The following CNOT7 variants were observed in gnomAD, a reference collection of about 807,000 sequenced individuals.
CNOT7 encodes the protein CCR4-NOT transcription complex subunit 7, also known as BTG1-binding factor 1.
A neutral mutation model predicts 37.1 loss-of-function variants in CNOT7; 4 were observed. The observed-to-expected ratio is 0.11, with a 90% CI of 0.05 to 0.25. The LOEUF (loss-of-function observed/expected upper bound fraction) is 0.25, where lower values mean the gene tolerates loss of function less well. Ranked by LOEUF, CNOT7 falls within the 10% of genes least tolerant of loss-of-function variation. CNOT7 has a pLI of 1.00. For missense variants in CNOT7, 170 were observed against 336.2 expected (o/e 0.51, Z 3.87); for synonymous variants, 128 against 115.6 (o/e 1.11, Z -0.69).
At chr8:17,237,689 G>C in intron 3 of CNOT7, 1 of 215,540 alleles carries the variant, frequency 4.6e-6, no homozygotes, top group Admixed American at 5.2e-5. Context: ...TATTCACCAG[G>C]GGCTACCGTC....
At chr8:17,244,935 T>G in intron 2 of CNOT7, 101 bp downstream of exon 2, 1 of 968,526 alleles carries the variant, frequency 1.0e-6, no homozygotes, top group South Asian at 1.6e-5. Context: ...ATGGTGAAAT[T>G]AATCCCTAAA....
In CNOT7 at chr8:17,227,381, G is replaced by C. The variant is rs986907423; in HGVS notation, c.*3339C>G. ...AAATAAAGCTAGGCAGTACTGACTA[G>C]TAAGAGGCAAAGAATTAACAGTGTC... On this transcript the variant is annotated 3_prime_UTR_variant, in exon 7 of 7. Transcript: ENST00000361272. 4 of 151,818 alleles carry C rather than the reference G, an allele frequency of 2.6e-5. No individual in the cohort carries two copies. The allele number at this position is 151,818 out of a possible 1,614,324, so 9.4% of individuals were successfully genotyped here.
At chr8:17,234,341 C>G (rs1020291152) in intron 5 of CNOT7, among the ~76,000 whole-genome samples, 4 of 152,178 alleles carry the variant, frequency 2.6e-5, no homozygotes, top group African/African-American at 9.7e-5. Context: ...ACCTTAGATT[C>G]CACCTTGTAA....
rs752891111 is a variant in CNOT7 at position 17,232,375 on chromosome 8, A to C, written c.729+52T>G. On this transcript the variant is annotated intron_variant, in intron 6 of 6. Transcript: ENST00000361272. ...CAAAATCTTTGGCCACAAGATTTTTAATGTTCTCAACCTAACAACCAACTG... is the reference window on the plus strand; with the variant it reads ...CAAAATCTTTGGCCACAAGATTTTTCATGTTCTCAACCTAACAACCAACTG... 14 of 1,610,980 alleles carry C rather than the reference A, an allele frequency of 8.7e-6. No individual in the cohort carries two copies. The Admixed American group carries it at 1.9e-4, about 21-fold the overall frequency.
At chr8:17,233,774 T>C (rs1808946615) in intron 5 of CNOT7, among the ~76,000 whole-genome samples, 1 of 152,218 alleles carries the variant, frequency 6.6e-6, no homozygotes, top group South Asian at 2.1e-4. Context: ...AAAATTTCTC[T>C]AGTCATATGC....
rs149290812 is a variant in CNOT7, at chr8:17,234,633, A to G, written c.618+83T>C. 1.4e-3 allele frequency: 1,938 copies of G among 1,425,652 alleles called. 4 individuals carry two copies. The highest frequency in any genetic ancestry group is 1.8e-3 in the Non-Finnish European group (1,773 of 1,010,660). 88.3% of individuals were successfully genotyped at this position (1,425,652 alleles called of 1,614,324 possible). ...TGTAATACTTTAAAATATGGTTTAA[A>G]ACAACATCCCAGCCTAGGCTCGCAT... On this transcript the variant is annotated intron_variant, in intron 5 of 6. Transcript: ENST00000361272.
At chr8:17,234,401 C>A (rs539327830) in intron 5 of CNOT7, among the ~76,000 whole-genome samples, 1 of 152,158 alleles carries the variant, frequency 6.6e-6, no homozygotes, top group Non-Finnish European at 1.5e-5. Flanking sequence ...CAATGGCGTG[C>A]ATATGAGAGC....
At chr8:17,234,096 T>C (rs1563192174) in intron 5 of CNOT7, among the ~76,000 whole-genome samples, 1 of 152,150 alleles carries the variant, frequency 6.6e-6, no homozygotes, top group Non-Finnish European at 1.5e-5. Context: ...TAAAAATACA[T>C]GTTATGCAGC....
In CNOT7 at chr8:17,234,366, C is replaced by T. The variant is rs987597525; in HGVS notation, c.618+350G>A. Among the ~76,000 whole-genome samples the T allele has an allele frequency of 4.9e-4, 75 of 152,180 alleles. 4 individuals are homozygous for T. The highest frequency in any genetic ancestry group is 1.5e-4 in the Non-Finnish European group (10 of 68,026). ...CCACCTTGTAAGAACAGATTCTATG[C>T]GTCTTGGGAGAAAGTAACAACTCAC... is the stretch of plus-strand genomic sequence containing the variant. On this transcript the variant is annotated intron_variant, in intron 5 of 6. Transcript: ENST00000361272.
At chr8:17,237,991 T>C (rs995447088) in intron 3 of CNOT7, among the ~76,000 whole-genome samples, 72 of 152,236 alleles carry the variant, frequency 4.7e-4, no homozygotes, top group Non-Finnish European at 7.1e-4. Flanking sequence ...AACAATCCTA[T>C]TCCTAAAAGA....
intron 3 of CNOT7, chr8:17,237,713 C>T (rs996619949): frequency 2.0e-5 from 4 of 196,390 alleles, no homozygotes; most frequent in Admixed American, 1.1e-4. Flanking sequence ...AAGTGACAGA[C>T]AAGTTTTTTC....
chr8:17,237,247 G>A lies in CNOT7; in HGVS notation c.438C>T (p.Val146=). The A allele has an allele frequency of 1.2e-6, 2 of 1,614,036 alleles. No homozygotes were observed. The highest frequency in any genetic ancestry group is 1.7e-6 in the Non-Finnish European group (2 of 1,179,970). ...ACAACCATTTGACCCCTTCACAGAGGACCACTCCAGAAGTCATAAGAAGTT... is the reference window on the plus strand; with the variant it reads ...ACAACCATTTGACCCCTTCACAGAGAACCACTCCAGAAGTCATAAGAAGTT... ...FAELLMTSGV[V]LCEGVKWLSF... The change falls in exon 4 of 7, where the codon GTC becomes GTT. Residue 146 remains valine, a synonymous_variant. Transcript: ENST00000361272.
At chr8:17,238,196 ATTTT>A (rs1239310437) in intron 3 of CNOT7, among the ~76,000 whole-genome samples, 1 of 152,222 alleles carries the variant, frequency 6.6e-6, no homozygotes, top group East Asian at 1.9e-4. Flanking sequence ...ATACAGATAC[ATTTT>A]TGAGAATACG....
chr8:17,237,681 T>G, intron 3 of CNOT7: 1 of 231,066 alleles, frequency 4.3e-6, no homozygotes, highest in African/African-American at 2.2e-5. Flanking sequence ...GGGTCTCCTA[T>G]TCACCAGGGG....
At chr8:17,235,476 A>T (rs73200908) in intron 4 of CNOT7, among the ~76,000 whole-genome samples, 5,429 of 152,242 alleles carry the variant, frequency 0.036, 155 homozygotes, top group Non-Finnish European at 0.051. Context: ...TATTAATGGA[A>T]ATGCTGCACA....
chr8:17,243,349 C>G (rs1434903062), intron 2 of CNOT7, 164 bp from the exon 3 acceptor site: 1 of 645,148 alleles, frequency 1.6e-6, no homozygotes, highest in African/African-American at 1.8e-5. Context: ...CTTTTTAGAA[C>G]CATAAAACTC....
rs1455481261 is a variant in CNOT7 at position 17,226,318 on chromosome 8, T to C, written c.*4402A>G. 1 of 151,302 alleles carries C rather than the reference T, an allele frequency of 6.6e-6. No homozygotes were observed. The highest frequency in any genetic ancestry group is 2.4e-5 in the African/African-American group (1 of 41,304). 9.4% of individuals were successfully genotyped at this position (151,302 alleles called of 1,614,324 possible). A position where few individuals can be genotyped will look rare whatever the true frequency, so the allele number is the denominator to read the frequency against. On this transcript the variant is annotated 3_prime_UTR_variant, in exon 7 of 7. Coordinates refer to ENST00000361272, the MANE Select transcript of CNOT7 (RefSeq NM_013354.7). ...TCCCCTCATTGGAATAAATAGAAAATGTTAATCTGTTAATGCTGATGTGTA... is the reference window on the plus strand; with the variant it reads ...TCCCCTCATTGGAATAAATAGAAAACGTTAATCTGTTAATGCTGATGTGTA...
chr8:17,238,682 T>C (rs1410390839), intron 3 of CNOT7, among the ~76,000 whole-genome samples: 1 of 152,238 alleles, frequency 6.6e-6, no homozygotes, highest in Non-Finnish European at 1.5e-5. Context: ...CACATCATTC[T>C]TGGCCATTTG....
At chr8:17,232,358 T>G in intron 6 of CNOT7, 69 bp downstream of exon 6, 1 of 1,610,440 alleles carries the variant, frequency 6.2e-7, no homozygotes, top group Non-Finnish European at 8.5e-7. Flanking sequence ...CCCAAAATCT[T>G]TGGCCACAAG....
Sources: allele counts gnomAD v4.1 joint callset (sites outside exome capture counted in the v4.1 genomes callset), GRCh38; gene constraint gnomAD v4.1.1; transcripts MANE v1.5; gene names NCBI Gene and HGNC (gene_info 2026-07-23, HGNC 2026-07-21).